MICAL2: variants seen among roughly 807,000 people sequenced by gnomAD.
MICAL2 encodes the protein [F-actin]-monooxygenase MICAL2.
In MICAL2, 77 loss-of-function variants were observed where a neutral mutation model predicts 127.3. That is an observed-to-expected ratio of 0.60 (90% CI 0.50 to 0.73). The LOEUF (loss-of-function observed/expected upper bound fraction) is 0.73. Among genes scored for constraint, MICAL2 ranks in the 30% least tolerant of loss-of-function variants. The probability of loss-of-function intolerance (pLI) is 0.00; values close to 1 mark genes in which losing one functional copy is unlikely to be tolerated. For synonymous variants in MICAL2, 570 were observed against 551.1 expected (o/e 1.03, Z -0.48); for missense variants, 1,351 against 1,434.4 (o/e 0.94, Z 0.94).
chr11:12,226,979 C>A, intron 14 of MICAL2, 46 bp from the exon 15 acceptor site: 2 of 1,479,414 alleles, frequency 1.4e-6, no homozygotes, highest in Non-Finnish European at 9.4e-7. Context: ...AGCCATACTT[C>A]CCAGAGCCAG....
chr11:12,306,551 C>T (rs994762226), intron 29 of MICAL2, among the ~76,000 whole-genome samples: 3 of 152,102 alleles, frequency 2.0e-5, no homozygotes, highest in Admixed American at 6.5e-5. Flanking sequence ...GGAACTGCTT[C>T]CAAAATCAAA....
chr11:12,206,037 T>C (rs1170346196), intron 4 of MICAL2, among the ~76,000 whole-genome samples: 1 of 152,094 alleles, frequency 6.6e-6, no homozygotes, highest in Non-Finnish European at 1.5e-5. Context: ...GCCCCCAGAG[T>C]TTATTCACAC....
At chr11:12,221,792 G>C (rs373116020) in intron 10 of MICAL2, 33 bp downstream of exon 10, 2 of 1,573,416 alleles carry the variant, frequency 1.3e-6, no homozygotes, top group Non-Finnish European at 1.7e-6. Flanking sequence ...CTAACTGGGG[G>C]GCAGGGCACT....
chr11:12,126,702 G>T (rs1040465276), intron 1 of MICAL2, among the ~76,000 whole-genome samples: 2 of 74,558 alleles, frequency 2.7e-5, no homozygotes, highest in Admixed American at 1.2e-4. Context: ...AGGCTTATGT[G>T]TGTAAAAAAA....
intron 6 of MICAL2, among the ~76,000 whole-genome samples, chr11:12,211,864 A>G (rs552438543): frequency 2.6e-4 from 39 of 152,334 alleles, no homozygotes; most frequent in African/African-American, 8.7e-4. Flanking sequence ...GGACAGCACA[A>G]CAGCCCAGTG....
intron 2 of MICAL2, among the ~76,000 whole-genome samples, chr11:12,140,954 G>T (rs1852292963): frequency 1.3e-5 from 2 of 152,186 alleles, no homozygotes; most frequent in Non-Finnish European, 2.9e-5. Context: ...ACAGTTAGGG[G>T]AGCCTACCTC....
At chr11:12,239,196 G>A (rs1026295260) in intron 16 of MICAL2, among the ~76,000 whole-genome samples, 2 of 152,172 alleles carry the variant, frequency 1.3e-5, no homozygotes, top group African/African-American at 4.8e-5. Context: ...AATGAGAGTC[G>A]GGATTCAAAC....
At chr11:12,315,792 G>T (rs1311056898) in intron 29 of MICAL2, among the ~76,000 whole-genome samples, 1 of 152,142 alleles carries the variant, frequency 6.6e-6, no homozygotes, top group Non-Finnish European at 1.5e-5. Flanking sequence ...TCTTACTTTT[G>T]TGTACTTATT....
At chr11:12,150,375 C>T (rs542555681) in intron 2 of MICAL2, among the ~76,000 whole-genome samples, 12 of 151,926 alleles carry the variant, frequency 7.9e-5, no homozygotes, top group East Asian at 1.9e-4. Flanking sequence ...TGCAGTGAGC[C>T]GTGACCGTAC....
At chr11:12,187,566 T>C (rs1428613733) in intron 3 of MICAL2, among the ~76,000 whole-genome samples, 1 of 152,240 alleles carries the variant, frequency 6.6e-6, no homozygotes, top group Non-Finnish European at 1.5e-5. Context: ...GGCAGCGGCC[T>C]CAGCTTTTCT....
chr11:12,156,287 G>A (rs184371746), intron 2 of MICAL2, among the ~76,000 whole-genome samples: 3 of 152,302 alleles, frequency 2.0e-5, no homozygotes, highest in Admixed American at 6.5e-5. Context: ...ATGTATAAGA[G>A]GACTCTCCAT....
intron 24 of MICAL2, among the ~76,000 whole-genome samples, chr11:12,258,256 G>T (rs1394670783): frequency 1.3e-5 from 2 of 152,164 alleles, no homozygotes; most frequent in Non-Finnish European, 2.9e-5. Flanking sequence ...GCTGGAGCTT[G>T]TCTCTGAGGC....
In MICAL2 at chr11:12,178,857, G is replaced by A. The variant is rs576998763; in HGVS notation, c.264+16438G>A. Among the ~76,000 whole-genome samples the A allele has an allele frequency of 1.1e-3, 167 of 152,148 alleles. 1 individual carries two copies. In the Middle Eastern group the frequency reaches 0.014, roughly 12 times the overall value. On this transcript the variant is annotated intron_variant, in intron 3 of 27. Transcript: ENST00000683283. Reference sequence around the variant, plus strand: ...CTGCCTCAGCCTCCCGAGTAGCTGGGACTCCAGGCCCATCTCCTTTCTTCC... The same window carrying A: ...CTGCCTCAGCCTCCCGAGTAGCTGGAACTCCAGGCCCATCTCCTTTCTTCC...
At chr11:12,288,814 G>A (rs1237852944), downstream of MICAL2, among the ~76,000 whole-genome samples, 1 of 152,214 alleles carries the variant, frequency 6.6e-6, no homozygotes, top group African/African-American at 2.4e-5. Context: ...TTTGAGCCTT[G>A]CAAAACCTCC....
intron 3 of MICAL2, among the ~76,000 whole-genome samples, chr11:12,173,996 A>C (rs1565096181): frequency 6.6e-6 from 1 of 152,132 alleles, no homozygotes; most frequent in Non-Finnish European, 1.5e-5. Context: ...TGAGTTTTTG[A>C]AATCTGGTGT....
intron 3 of MICAL2, among the ~76,000 whole-genome samples, chr11:12,187,673 T>C (rs1432790601): frequency 6.6e-6 from 1 of 152,204 alleles, no homozygotes; most frequent in Non-Finnish European, 1.5e-5. Context: ...CAGCTGCTGG[T>C]GGAGGTGACT....
intron 32 of MICAL2, among the ~76,000 whole-genome samples, chr11:12,345,548 G>A (rs2055106): frequency 0.052 from 7,971 of 152,254 alleles, 342 homozygotes; most frequent in Admixed American, 0.11. Context: ...GGAGAAATGT[G>A]TCAGCTGGAT....
intron 17 of MICAL2, among the ~76,000 whole-genome samples, chr11:12,240,583 C>G (rs1045388171): frequency 6.6e-6 from 1 of 152,210 alleles, no homozygotes; most frequent in African/African-American, 2.4e-5. Flanking sequence ...ATTGCCCATT[C>G]TGGAGGCTTG....
At chr11:12,237,749 A>G (rs1333052741) in intron 16 of MICAL2, among the ~76,000 whole-genome samples, 1 of 152,220 alleles carries the variant, frequency 6.6e-6, no homozygotes, top group African/African-American at 2.4e-5. Context: ...TCCAAGATCC[A>G]GGAGCAGCAG....
Sources: allele counts gnomAD v4.1 joint callset (sites outside exome capture counted in the v4.1 genomes callset), GRCh38; gene constraint gnomAD v4.1.1; transcripts MANE v1.5; gene names NCBI Gene and HGNC (gene_info 2026-07-23, HGNC 2026-07-21).